The following RIGI variants were observed in gnomAD, a reference collection of about 807,000 sequenced individuals.
RIGI encodes RNA sensor RIG-I, also known as antiviral innate immune response receptor RIG-I.
chr9:32,480,310 T>C, the RIGI span: 2 of 1,609,810 alleles, frequency 1.2e-6, no homozygotes, highest in South Asian at 1.1e-5. Flanking sequence ...CCAGAGCATC[T>C]TTCATTCGTG....
chr9:32,508,138 GTC>G, the RIGI span, among the ~76,000 whole-genome samples: 1 of 150,370 alleles, frequency 6.7e-6, no homozygotes, highest in Admixed American at 6.7e-5. Context: ...AATATTTTAA[GTC>G]TCCCCCTTTT....
chr9:32,489,705 G>A, the RIGI span, among the ~76,000 whole-genome samples: 4 of 151,650 alleles, frequency 2.6e-5, no homozygotes, highest in African/African-American at 7.3e-5. Flanking sequence ...ATCATGGAAG[G>A]CTAACAGAAA....
chr9:32,525,811 A>G, the RIGI span, among the ~76,000 whole-genome samples: 1 of 152,032 alleles, frequency 6.6e-6, no homozygotes, highest in Non-Finnish European at 1.5e-5. Context: ...TTTCTTCCCC[A>G]GCTTTGAACC....
chr9:32,481,867 G>A, the RIGI span, among the ~76,000 whole-genome samples: 5 of 152,204 alleles, frequency 3.3e-5, no homozygotes, highest in South Asian at 1.0e-3. Flanking sequence ...TTACAGGCGT[G>A]AGCCACTGCA....
the RIGI span, chr9:32,485,359 G>A: frequency 9.6e-7 from 1 of 1,036,926 alleles, no homozygotes; most frequent in Non-Finnish European, 1.4e-6. Flanking sequence ...TTCAAAGTAG[G>A]TATCTCTAAA....
the RIGI span, among the ~76,000 whole-genome samples, chr9:32,475,720 G>A: frequency 6.6e-6 from 1 of 152,104 alleles, no homozygotes; most frequent in Non-Finnish European, 1.5e-5. Context: ...GCTTCTAGAT[G>A]ATAACATAGT....
the RIGI span, among the ~76,000 whole-genome samples, chr9:32,474,264 TACCTAGGTATAAGTCTA>T: frequency 1.5e-5 from 2 of 132,646 alleles, no homozygotes; most frequent in East Asian, 4.9e-4. Context: ...AAAAAATTAA[TACCTAGGTATAAGTCTA>T]ACAAAATATG....
chr9:32,524,596 G>GTT, the RIGI span, among the ~76,000 whole-genome samples: 4,004 of 67,400 alleles, frequency 0.059, 638 homozygotes, highest in Middle Eastern at 0.11. Context: ...TTGTTTTTCG[G>GTT]TTTTTTTTTT....
the RIGI span, among the ~76,000 whole-genome samples, chr9:32,513,759 A>C: frequency 9.8e-5 from 15 of 152,382 alleles, no homozygotes; most frequent in Admixed American, 3.9e-4. Context: ...GCTTCTGCAC[A>C]GCTAAAGAAA....
chr9:32,485,730 G>A, the RIGI span, among the ~76,000 whole-genome samples: 3 of 151,696 alleles, frequency 2.0e-5, no homozygotes, highest in Non-Finnish European at 4.4e-5. Flanking sequence ...TAGTAGAGAC[G>A]GGGCTTCACC....
chr9:32,494,612 T>C, the RIGI span, among the ~76,000 whole-genome samples: 30 of 152,076 alleles, frequency 2.0e-4, no homozygotes, highest in Non-Finnish European at 3.5e-4. Flanking sequence ...ATTCATTTTG[T>C]TATAAAAAAA....
chr9:32,489,479 A>G, the RIGI span: 2 of 1,459,180 alleles, frequency 1.4e-6, no homozygotes, highest in South Asian at 2.3e-5. Context: ...CAAAATTACC[A>G]AACAGTTCCT....
chr9:32,506,908 C>G, the RIGI span, among the ~76,000 whole-genome samples: 2 of 152,134 alleles, frequency 1.3e-5, no homozygotes, highest in Admixed American at 6.5e-5. Context: ...GCTATAAATT[C>G]TGATTAAAAG....
chr9:32,513,905 G>C, the RIGI span, among the ~76,000 whole-genome samples: 3 of 152,172 alleles, frequency 2.0e-5, no homozygotes, highest in Non-Finnish European at 4.4e-5. Context: ...CCATCAAAAA[G>C]TGGGTGCAGG....
chr9:32,491,251 C>A, the RIGI span: 3 of 1,597,212 alleles, frequency 1.9e-6, no homozygotes, highest in Non-Finnish European at 2.6e-6. Flanking sequence ...GCCCCCACAC[C>A]AAATACCAGA....
the RIGI span, among the ~76,000 whole-genome samples, chr9:32,516,086 T>C: frequency 1.3e-5 from 2 of 152,180 alleles, no homozygotes; most frequent in South Asian, 2.1e-4. Context: ...TTGTTTTATC[T>C]GAGATCCTTT....
At chr9:32,493,769 T>G in the RIGI span, 1,790 of 1,568,320 alleles carry the variant, frequency 1.1e-3, 15 homozygotes, top group African/African-American at 0.019. Flanking sequence ...ACCTGTAGAA[T>G]TTCTTCACAT....
the RIGI span, among the ~76,000 whole-genome samples, chr9:32,464,092 A>G: frequency 6.6e-6 from 1 of 151,648 alleles, no homozygotes; most frequent in Non-Finnish European, 1.5e-5. Flanking sequence ...GGCCACACAC[A>G]GACAATGGAC....
the RIGI span, among the ~76,000 whole-genome samples, chr9:32,482,744 A>G: frequency 6.6e-6 from 1 of 152,100 alleles, no homozygotes; most frequent in Non-Finnish European, 1.5e-5. Flanking sequence ...CTGAAGTCCC[A>G]GCTACTTAGG....
Sources: allele counts gnomAD v4.1 joint callset (sites outside exome capture counted in the v4.1 genomes callset), GRCh38; gene constraint gnomAD v4.1.1; transcripts MANE v1.5; gene names NCBI Gene and HGNC (gene_info 2026-07-23, HGNC 2026-07-21).